Variants in ORC4 observed in about 807,000 individuals in gnomAD.
ORC4 encodes origin recognition complex subunit 4.
Under a neutral mutation model 63.9 loss-of-function variants are expected in ORC4, and 55 were observed. The observed-to-expected ratio is 0.86, with a 90% CI of 0.69 to 1.08. The LOEUF (loss-of-function observed/expected upper bound fraction) is 1.08. Among genes scored for constraint, ORC4 ranks in the 50% least tolerant of loss-of-function variants. The probability of loss-of-function intolerance (pLI) is 0.00; values close to 1 mark genes in which losing one functional copy is unlikely to be tolerated. For missense variants in ORC4, 511 were observed against 504.4 expected, an observed-to-expected ratio of 1.01 and a Z score of -0.13; for synonymous variants, 150 against 168.5, an observed-to-expected ratio of 0.89 and a Z score of 0.85.
Position 147,939,258 on chromosome 2 carries a change from GAC to G in ORC4, c.850-12_850-11del. On this transcript the variant is annotated splice_polypyrimidine_tract_variant and intron_variant, in intron 10 of 13. Coordinates refer to ENST00000392857, the MANE Select transcript of ORC4 (RefSeq NM_181741.4). The stretch of plus-strand genomic sequence containing the variant: ...GATTTAAAGCAAGCATCTAGGGAAA[GAC>G]AGATCAGAAAAACAATTACGTATTT... 6.4e-7 allele frequency: 1 copy of G among 1,564,672 alleles called. No individual in the cohort carries two copies. The highest frequency in any genetic ancestry group is 8.8e-7 in the Non-Finnish European group (1 of 1,135,306).
intron 2 of ORC4, among the ~76,000 whole-genome samples, chr2:147,975,436 T>C (rs1690492513): frequency 6.6e-6 from 1 of 150,886 alleles, no homozygotes; most frequent in African/African-American, 2.4e-5. Context: ...TAGACAAGAA[T>C]GTCCATTCTT....
chr2:148,014,919 A>G (rs1271320861), intron 1 of ORC4, among the ~76,000 whole-genome samples: 1 of 152,176 alleles, frequency 6.6e-6, no homozygotes, highest in African/African-American at 2.4e-5. Context: ...GATACTAAGG[A>G]GCAACTATAC....
At chr2:148,006,873 G>T (rs1012239009) in intron 1 of ORC4, among the ~76,000 whole-genome samples, 36 of 152,266 alleles carry the variant, frequency 2.4e-4, no homozygotes, top group African/African-American at 7.9e-4. Context: ...GTGGCTACAG[G>T]AATGCCTGTA....
chr2:147,956,000 A>G (rs950480182), intron 6 of ORC4, among the ~76,000 whole-genome samples: 5 of 152,058 alleles, frequency 3.3e-5, no homozygotes, highest in African/African-American at 1.2e-4. Flanking sequence ...ATTTTTGGAT[A>G]CTATTAAATA....
At chr2:147,964,893 A>T (rs1689810943) in intron 4 of ORC4, among the ~76,000 whole-genome samples, 1 of 152,170 alleles carries the variant, frequency 6.6e-6, no homozygotes, top group Non-Finnish European at 1.5e-5. Context: ...ACCTGACAGG[A>T]CAGAGGGGAA....
rs76952738 is a variant in ORC4 at position 147,932,994 on chromosome 2, A to T, written c.*2516T>A. The T allele has an allele frequency of 1.2e-4, 19 of 152,228 alleles. No homozygotes were observed. The East Asian group carries it at 2.9e-3, about 23-fold the overall frequency. The allele number at this position is 152,228 out of a possible 1,614,324, so 9.4% of individuals were successfully genotyped here. ...TACAGTAAGTTTGGACCAAACAGGT[A>T]TTCATTCCCCAGAGCCTTTCACATG... On this transcript the variant is annotated 3_prime_UTR_variant, in exon 14 of 14. Transcript: ENST00000392857.
intron 9 of ORC4, among the ~76,000 whole-genome samples, chr2:147,945,475 A>T (rs913617452): frequency 6.6e-6 from 1 of 151,996 alleles, no homozygotes; most frequent in African/African-American, 2.4e-5. Context: ...CAAACACTAT[A>T]CTCTATTTGA....
In ORC4 at chr2:147,958,852, A is replaced by C. The variant is rs371255729; in HGVS notation, c.240T>G (p.Ala80=). Residue 80 remains alanine, a synonymous_variant, in exon 5 of 14, where the codon GCT becomes GCG. Transcript: ENST00000392857. The stretch of plus-strand genomic sequence containing the variant: ...CTTCTATTTCCATGAGTTCTTTCAA[A>C]GCATGATTTATTAACTAAATATGAA... ...GSGKTMLINH[A]LKELMEIEEV... is the part of the protein sequence containing the mutation. The C allele has an allele frequency of 1.5e-6, 2 of 1,336,562 alleles. No homozygotes were observed. Among genetic ancestry groups the C allele is most frequent in the Non-Finnish European group, 2.2e-6 (2 of 929,902 alleles). 82.8% of individuals were successfully genotyped at this position (1,336,562 alleles called of 1,614,324 possible). A position where few individuals can be genotyped will look rare whatever the true frequency, so the allele number is the denominator to read the frequency against.
chr2:147,933,324 C>CTCT lies in ORC4; in HGVS notation c.*2183_*2185dup, dbSNP rs1173119456. ...TTTAAGAGACGAAGTTAGCTCAAAA[C>CTCT]TCTTGCGAATAGATTTTAGCATTTT... On this transcript the variant is annotated 3_prime_UTR_variant, in exon 14 of 14. Coordinates refer to ENST00000392857, the MANE Select transcript of ORC4 (RefSeq NM_181741.4). 1 of 151,994 alleles carries CTCT rather than the reference C, an allele frequency of 6.6e-6. No homozygotes were observed. The highest frequency in any genetic ancestry group is 2.4e-5 in the African/African-American group (1 of 41,396). The allele number at this position is 151,994 out of a possible 1,614,324, so 9.4% of individuals were successfully genotyped here.
chr2:147,989,774 A>C (rs1691468157), intron 1 of ORC4, among the ~76,000 whole-genome samples: 1 of 152,168 alleles, frequency 6.6e-6, no homozygotes, highest in South Asian at 2.1e-4. Flanking sequence ...CAAGAACACT[A>C]ATTTATATCA....
At chr2:147,974,600 A>C (rs922535335) in intron 2 of ORC4, among the ~76,000 whole-genome samples, 1 of 151,302 alleles carries the variant, frequency 6.6e-6, no homozygotes. Context: ...GCACCACTGC[A>C]CTCCAGCTGG....
At chr2:147,993,543 A>AC (rs1191187717) in intron 1 of ORC4, among the ~76,000 whole-genome samples, 2 of 152,232 alleles carry the variant, frequency 1.3e-5, no homozygotes, top group Non-Finnish European at 2.9e-5. Context: ...TCTAGAGTCA[A>AC]CGAAACGATA....
intron 8 of ORC4, chr2:147,951,528 G>T (rs1170919756): frequency 3.9e-5 from 6 of 152,144 alleles, no homozygotes; most frequent in African/African-American, 2.4e-5. Flanking sequence ...CTCCTATCTG[G>T]TTCGTTTTTG....
chr2:147,965,998 G>A (rs1689871478), intron 4 of ORC4, among the ~76,000 whole-genome samples: 1 of 152,094 alleles, frequency 6.6e-6, no homozygotes, highest in Non-Finnish European at 1.5e-5. Flanking sequence ...TTGAGCCCAG[G>A]AGTTTGAGAC....
chr2:147,954,486 C>G (rs547459207), intron 7 of ORC4, among the ~76,000 whole-genome samples: 1 of 152,082 alleles, frequency 6.6e-6, no homozygotes, highest in Admixed American at 6.6e-5. Flanking sequence ...TAACACAATG[C>G]GAAGTATTTG....
Position 147,986,790 on chromosome 2 carries a change from TAC to T in ORC4, c.-17-10817_-17-10816del, listed in dbSNP as rs70992183. Among the ~76,000 whole-genome samples the T allele has an allele frequency of 1.8e-3, 270 of 148,514 alleles. No homozygotes were observed. The Middle Eastern group carries it at 0.02, about 11-fold the overall frequency. On this transcript the variant is annotated intron_variant, in intron 1 of 13. Transcript: ENST00000392857. The stretch of plus-strand genomic sequence containing the variant: ...AATTTTATACAGACACACACACACA[TAC>T]ACACACACACACACACACACACTAG...
Position 147,931,369 on chromosome 2 carries a change from C to A in ORC4, c.*4141G>T, listed in dbSNP as rs1284541699. 64 of 152,074 alleles carry A rather than the reference C, an allele frequency of 4.2e-4. No homozygotes were observed. Among genetic ancestry groups the A allele is most frequent in the African/African-American group, 1.5e-3 (63 of 41,498 alleles). The allele number at this position is 152,074 out of a possible 1,614,324, so 9.4% of individuals were successfully genotyped here. ...TGATTTATAGTCCTTTGGGTATATA[C>A]CCAGTAATGGGATGGCTGGGTCAAA... On this transcript the variant is annotated 3_prime_UTR_variant, in exon 14 of 14. Transcript: ENST00000392857.
At chr2:148,016,948 ATTC>A (rs1318351303) in intron 1 of ORC4, among the ~76,000 whole-genome samples, 10 of 152,228 alleles carry the variant, frequency 6.6e-5, no homozygotes, top group Admixed American at 6.5e-4. Context: ...CCCCCAAAAC[ATTC>A]TTCAAGATTG....
chr2:147,992,078 A>T (rs1691648879), intron 1 of ORC4, among the ~76,000 whole-genome samples: 1 of 152,208 alleles, frequency 6.6e-6, no homozygotes, highest in South Asian at 2.1e-4. Flanking sequence ...GAAATGCATT[A>T]TATGATCTTA....
Sources: allele counts gnomAD v4.1 joint callset (sites outside exome capture counted in the v4.1 genomes callset), GRCh38; gene constraint gnomAD v4.1.1; transcripts MANE v1.5; gene names NCBI Gene and HGNC (gene_info 2026-07-23, HGNC 2026-07-21).